Variants in VAT1L observed in about 807,000 individuals in gnomAD.
VAT1L encodes vesicle amine transport 1 like.
A neutral mutation model predicts 44.1 loss-of-function variants in VAT1L; 34 were observed. The ratio of observed to expected loss-of-function variants is 0.77; its 90% CI spans 0.59 to 1.03. The LOEUF (loss-of-function observed/expected upper bound fraction) is 1.03, where lower values mean the gene tolerates loss of function less well. Among genes scored for constraint, VAT1L ranks in the 50% least tolerant of loss-of-function variants. The pLI, the probability that VAT1L is intolerant of heterozygous loss-of-function variation, is 0.00. For synonymous variants in VAT1L, 253 were observed against 202.2 expected (o/e 1.25, Z -2.13); for missense variants, 615 against 538.8 (o/e 1.14, Z -1.40).
At chr16:77,795,813 CTTTTTTTT>C (rs56725954) in intron 1 of VAT1L, among the ~76,000 whole-genome samples, 19 of 100,580 alleles carry the variant, frequency 1.9e-4, no homozygotes, top group East Asian at 3.8e-4. Context: ...CCTTTTTTCT[CTTTTTTTT>C]TTTTTTTTTT....
intron 1 of VAT1L, among the ~76,000 whole-genome samples, chr16:77,796,461 G>A (rs533461235): frequency 6.6e-6 from 1 of 152,372 alleles, no homozygotes; most frequent in East Asian, 1.9e-4. Context: ...CAGGGATGGA[G>A]TGGAAATAGT....
At chr16:77,858,586 A>G (rs1426830268) in intron 3 of VAT1L, among the ~76,000 whole-genome samples, 1 of 152,228 alleles carries the variant, frequency 6.6e-6, no homozygotes, top group Non-Finnish European at 1.5e-5. Flanking sequence ...ACGAGTGAAC[A>G]GAGGTGCCAA....
chr16:77,873,374 G>T (rs1394045556), intron 4 of VAT1L, among the ~76,000 whole-genome samples: 1 of 152,154 alleles, frequency 6.6e-6, no homozygotes, highest in Non-Finnish European at 1.5e-5. Flanking sequence ...TTATATAGGA[G>T]AGCTCTGAAA....
At chr16:77,808,887 G>A (rs1330691563) in intron 1 of VAT1L, among the ~76,000 whole-genome samples, 8 of 152,108 alleles carry the variant, frequency 5.3e-5, no homozygotes, top group South Asian at 2.1e-4. Flanking sequence ...GTGAGCCACC[G>A]TGCCCAGCTG....
chr16:77,850,575 A>T (rs1356278630), intron 3 of VAT1L, among the ~76,000 whole-genome samples: 8 of 152,232 alleles, frequency 5.3e-5, no homozygotes, highest in Admixed American at 5.2e-4. Context: ...ATTCTCAAAA[A>T]GAGTCCCAAT....
chr16:77,854,735 C>G (rs1228262987), intron 3 of VAT1L, among the ~76,000 whole-genome samples: 1 of 152,224 alleles, frequency 6.6e-6, no homozygotes, highest in African/African-American at 2.4e-5. Context: ...CATTCACAAG[C>G]TCATTCTGCT....
intron 7 of VAT1L, among the ~76,000 whole-genome samples, chr16:77,885,194 T>TGC (rs1395735047): frequency 6.6e-6 from 1 of 152,238 alleles, no homozygotes; most frequent in Non-Finnish European, 1.5e-5. Context: ...ATGATTTGTG[T>TGC]GCTCCGCTGG....
At chr16:77,917,620 G>T (rs1402340834) in intron 7 of VAT1L, among the ~76,000 whole-genome samples, 1 of 152,174 alleles carries the variant, frequency 6.6e-6, no homozygotes, top group African/African-American at 2.4e-5. Flanking sequence ...CAGGGCTACA[G>T]ATAAGAAAAC....
intron 1 of VAT1L, among the ~76,000 whole-genome samples, chr16:77,804,050 G>C (rs1035689565): frequency 3.9e-5 from 6 of 152,152 alleles, no homozygotes; most frequent in African/African-American, 1.2e-4. Context: ...TTCTTTTGTT[G>C]ATCTCTGAGT....
intron 1 of VAT1L, among the ~76,000 whole-genome samples, chr16:77,806,210 T>C (rs2016156221): frequency 6.6e-6 from 1 of 151,438 alleles, no homozygotes; most frequent in South Asian, 2.1e-4. Context: ...TCTTTCTATT[T>C]ATTTATTTAC....
chr16:77,870,652 G>A lies in VAT1L; in HGVS notation c.723-5718G>A, dbSNP rs952173234. Among the ~76,000 whole-genome samples the A allele has an allele frequency of 2.0e-5, 3 of 152,328 alleles. No individual in the cohort carries two copies. The East Asian group carries it at 5.8e-4, about 29-fold the overall frequency. ...ATTTGGCTCATATAATCCCCGAGCT[G>A]GGGCTATTTGTGTTTGCTTTTTAAA... On this transcript the variant is annotated intron_variant, in intron 4 of 8. Coordinates refer to ENST00000302536, the MANE Select transcript of VAT1L (RefSeq NM_020927.3).
At chr16:77,903,535 G>C (rs570655354) in intron 7 of VAT1L, among the ~76,000 whole-genome samples, 2 of 152,072 alleles carry the variant, frequency 1.3e-5, no homozygotes, top group African/African-American at 4.8e-5. Flanking sequence ...CATTGGACTG[G>C]ACCAGGGTGT....
chr16:77,919,341 G>A (rs1033815792), intron 7 of VAT1L, among the ~76,000 whole-genome samples: 1 of 152,222 alleles, frequency 6.6e-6, no homozygotes, highest in Non-Finnish European at 1.5e-5. Context: ...ATGCTGGACT[G>A]ATTAGTTGAA....
intron 3 of VAT1L, among the ~76,000 whole-genome samples, chr16:77,834,071 T>C (rs192422875): frequency 1.1e-4 from 16 of 152,326 alleles, no homozygotes; most frequent in African/African-American, 3.4e-4. Context: ...TCTCCACACA[T>C]ACCAATCTGT....
intron 7 of VAT1L, among the ~76,000 whole-genome samples, chr16:77,946,549 T>G (rs573996194): frequency 6.6e-6 from 1 of 152,304 alleles, no homozygotes; most frequent in East Asian, 1.9e-4. Flanking sequence ...CCCAAAGTGC[T>G]GGGATTACAG....
chr16:77,829,595 G>T (rs751404218), intron 3 of VAT1L, among the ~76,000 whole-genome samples: 10 of 152,204 alleles, frequency 6.6e-5, no homozygotes, highest in Non-Finnish European at 1.3e-4. Context: ...GCCCCAAATG[G>T]CAGTGCTCTT....
chr16:77,972,353 C>CT (rs1334034668), intron 8 of VAT1L, among the ~76,000 whole-genome samples: 1 of 152,116 alleles, frequency 6.6e-6, no homozygotes, highest in Non-Finnish European at 1.5e-5. Context: ...GTCTTAAACT[C>CT]TGTCACCCAG....
chr16:77,939,161 C>G (rs115734886), intron 7 of VAT1L, among the ~76,000 whole-genome samples: 2 of 152,188 alleles, frequency 1.3e-5, no homozygotes, highest in African/African-American at 4.8e-5. Flanking sequence ...GAATTCGTGA[C>G]GACCTCTCCA....
In VAT1L at chr16:77,825,239, T is replaced by C; in HGVS notation, c.364-7T>C. On this transcript the variant is annotated splice_polypyrimidine_tract_variant and splice_region_variant and intron_variant, in intron 2 of 8. Transcript: ENST00000302536. ...CCTCCACTAACTCTGTGTTTCCCCA[T>C]GCCCAGATTGGAGACCGTGTCATGG... is the stretch of plus-strand genomic sequence containing the variant. The C allele has an allele frequency of 6.2e-7, 1 of 1,613,922 alleles. No individual in the cohort carries two copies. The highest frequency in any genetic ancestry group is 8.5e-7 in the Non-Finnish European group (1 of 1,180,010).
Sources: allele counts gnomAD v4.1 joint callset (sites outside exome capture counted in the v4.1 genomes callset), GRCh38; gene constraint gnomAD v4.1.1; transcripts MANE v1.5; gene names NCBI Gene and HGNC (gene_info 2026-07-23, HGNC 2026-07-21).